Variants in MFHAS1 observed in about 807,000 individuals in gnomAD.
MFHAS1 encodes the protein multifunctional ROCO family signaling regulator 1, also known as malignant fibrous histiocytoma-amplified sequence 1.
A neutral mutation model predicts 70.4 loss-of-function variants in MFHAS1; 50 were observed. The ratio of observed to expected loss-of-function variants is 0.71; its 90% CI spans 0.57 to 0.90. The LOEUF (loss-of-function observed/expected upper bound fraction) is 0.90, where lower values mean the gene tolerates loss of function less well. Among genes scored for constraint, MFHAS1 ranks in the 40% least tolerant of loss-of-function variants. MFHAS1 has a pLI of 0.00. For missense variants in MFHAS1, 1,795 were observed against 1,347.6 expected (o/e 1.33, Z -5.20); for synonymous variants, 952 against 620.0 (o/e 1.54, Z -7.96).
intron 1 of MFHAS1, among the ~76,000 whole-genome samples, chr8:8,850,810 T>TAAAAAAA (rs1808217848): frequency 1.6e-5 from 1 of 64,350 alleles, no homozygotes; most frequent in Admixed American, 2.1e-4. Flanking sequence ...AAACTCCGTC[T>TAAAAAAA]CAAAAAAAAA....
chr8:8,833,607 T>G (rs1345827594), intron 1 of MFHAS1, among the ~76,000 whole-genome samples: 1 of 151,632 alleles, frequency 6.6e-6, no homozygotes, highest in South Asian at 2.1e-4. Context: ...CTAGCCTGGG[T>G]GACAGAACAA....
intron 1 of MFHAS1, among the ~76,000 whole-genome samples, chr8:8,797,841 C>T (rs1041395188): frequency 6.6e-6 from 1 of 152,158 alleles, no homozygotes; most frequent in African/African-American, 2.4e-5. Flanking sequence ...CCCCAGAGCC[C>T]ACCGAAGCAA....
At chr8:8,841,181 G>A (rs958964032) in intron 1 of MFHAS1, among the ~76,000 whole-genome samples, 3 of 152,160 alleles carry the variant, frequency 2.0e-5, no homozygotes, top group Admixed American at 1.3e-4. Flanking sequence ...TGTACTTCAA[G>A]ACTTCTTTTT....
chr8:8,880,963 T>C (rs147013981), intron 1 of MFHAS1, among the ~76,000 whole-genome samples: 63 of 152,222 alleles, frequency 4.1e-4, no homozygotes, highest in African/African-American at 1.4e-3. Context: ...TGATTACAGG[T>C]GTGAGCCATC....
At chr8:8,870,703 A>T (rs1282286408) in intron 1 of MFHAS1, among the ~76,000 whole-genome samples, 1 of 151,892 alleles carries the variant, frequency 6.6e-6, no homozygotes, top group Non-Finnish European at 1.5e-5. Context: ...GCCCCTGGAG[A>T]TCTTTTTCTC....
At chr8:8,839,966 C>A (rs541998008) in intron 1 of MFHAS1, among the ~76,000 whole-genome samples, 1 of 152,110 alleles carries the variant, frequency 6.6e-6, no homozygotes, top group Non-Finnish European at 1.5e-5. Context: ...AAGATACAAA[C>A]CCACTAGTAT....
rs1805518733 is a variant in MFHAS1 at position 8,785,753 on chromosome 8, T to C, written c.*269A>G. The C allele has an allele frequency of 2.9e-6, 1 of 350,784 alleles. No homozygotes were observed. Among genetic ancestry groups the C allele is most frequent in the Non-Finnish European group, 5.2e-6 (1 of 192,328 alleles). 21.7% of individuals were successfully genotyped at this position (350,784 alleles called of 1,614,324 possible). On this transcript the variant is annotated 3_prime_UTR_variant, in exon 3 of 3. Coordinates refer to ENST00000276282, the MANE Select transcript of MFHAS1 (RefSeq NM_004225.3). ...GCCATTCGACTTTTTTTTTTTTTTT[T>C]TCTTTTCTTCAAGTAGCGCGCTCCT...
chr8:8,845,133 T>C (rs1216530367), intron 1 of MFHAS1, among the ~76,000 whole-genome samples: 1 of 152,236 alleles, frequency 6.6e-6, no homozygotes, highest in Non-Finnish European at 1.5e-5. Context: ...CCCTCTGTCA[T>C]TCATATGCAA....
chr8:8,786,531 A>G (rs994026056), intron 2 of MFHAS1, among the ~76,000 whole-genome samples: 1 of 152,230 alleles, frequency 6.6e-6, no homozygotes, highest in Non-Finnish European at 1.5e-5. Context: ...GTTATAAGTT[A>G]AGTTGTCCAC....
At chr8:8,822,321 G>A (rs1806986400) in intron 1 of MFHAS1, among the ~76,000 whole-genome samples, 1 of 152,234 alleles carries the variant, frequency 6.6e-6, no homozygotes, top group Admixed American at 6.5e-5. Flanking sequence ...AGAGGAAAAT[G>A]GAGCGAGTCC....
At chr8:8,865,520 C>T (rs1395893406) in intron 1 of MFHAS1, among the ~76,000 whole-genome samples, 1 of 152,100 alleles carries the variant, frequency 6.6e-6, no homozygotes, top group Non-Finnish European at 1.5e-5. Context: ...CCAAGGACCC[C>T]TCCCAGGACA....
In MFHAS1 at chr8:8,892,588, G is replaced by C. The variant is rs753135388; in HGVS notation, c.471C>G (p.Leu157=). ...LPALPAQLGA[L]AHLEELDVSF... is the part of the protein sequence containing the mutation. ...TGACATCCAGCTCCTCCAGGTGAGCGAGAGCGCCCAGCTGGGCGGGCAGGG... is the reference window on the plus strand; with the variant it reads ...TGACATCCAGCTCCTCCAGGTGAGCCAGAGCGCCCAGCTGGGCGGGCAGGG... The change falls in exon 1 of 3, where the codon CTC becomes CTG. Residue 157 remains leucine (L), a synonymous_variant. Transcript: ENST00000276282. The surrounding 1 kb of genome is among the most constrained non-coding windows in gnomAD (Gnocchi z 4.7). 5.6e-6 allele frequency: 9 copies of C among 1,608,110 alleles called. No homozygotes were observed. In the African/African-American group the frequency reaches 1.1e-4, roughly 19 times the overall value.
rs1471536022 is a variant in MFHAS1, at chr8:8,891,846, C to T, written c.1213G>A (p.Ala405Thr). Residue 405 changes from alanine (A) to threonine (T), a missense_variant, in exon 1 of 3, where the codon GCG becomes ACG. By Grantham distance (58) the Ala-to-Thr change is moderately conservative. Coordinates refer to ENST00000276282, the MANE Select transcript of MFHAS1 (RefSeq NM_004225.3). The surrounding 1 kb of genome is among the most constrained non-coding windows in gnomAD (Gnocchi z 5.4). ...YQKELAHSQP[A>T]VQPRLKLLLM... is the part of the protein sequence containing the mutation. ...AGCAGCTTGAGCCGGGGCTGCACCG[C>T]CGGCTGGGAATGAGCCAGTTCCTTC... 6.2e-7 allele frequency: 1 copy of T among 1,612,832 alleles called. No homozygotes were observed. The highest frequency in any genetic ancestry group is 1.1e-5 in the South Asian group (1 of 91,024).
Position 8,841,288 on chromosome 8 carries a change from AACATAGTGAAACCC to A in MFHAS1, c.2999-43811_2999-43798del, listed in dbSNP as rs571000254. Among the ~76,000 whole-genome samples the A allele has an allele frequency of 3.2e-3, 483 of 152,244 alleles. 2 individuals carry two copies. Among genetic ancestry groups the A allele is most frequent in the Non-Finnish European group, 5.4e-3 (367 of 68,018 alleles). Reference sequence around the variant, plus strand: ...TCATGAGTTTAAGACCAGCCTGGCCAACATAGTGAAACCCCATCTCTACTAAAAATACAAAAATG... The same window carrying A: ...TCATGAGTTTAAGACCAGCCTGGCCACATCTCTACTAAAAATACAAAAATG... On this transcript the variant is annotated intron_variant, in intron 1 of 2. Transcript: ENST00000276282.
At chr8:8,871,156 C>G (rs1336521644) in intron 1 of MFHAS1, among the ~76,000 whole-genome samples, 9 of 152,188 alleles carry the variant, frequency 5.9e-5, no homozygotes, top group Admixed American at 5.9e-4. Flanking sequence ...CTGTGTGCCC[C>G]TGGCCATATG....
intron 1 of MFHAS1, among the ~76,000 whole-genome samples, chr8:8,847,107 CA>C (rs1009283607): frequency 2.2e-4 from 34 of 152,252 alleles, no homozygotes; most frequent in African/African-American, 7.5e-4. Context: ...AGGCTAACAC[CA>C]ATGATATTTT....
intron 1 of MFHAS1, among the ~76,000 whole-genome samples, chr8:8,878,540 G>T (rs1376470429): frequency 6.6e-6 from 1 of 151,820 alleles, no homozygotes; most frequent in East Asian, 1.9e-4. Flanking sequence ...TTTATGACAT[G>T]AAAAACAAGA....
intron 1 of MFHAS1, among the ~76,000 whole-genome samples, chr8:8,880,904 C>T (rs141514627): frequency 6.6e-6 from 1 of 152,072 alleles, no homozygotes; most frequent in African/African-American, 2.4e-5. Flanking sequence ...AACCTGTTCT[C>T]GAACTCCTGA....
At chr8:8,794,087 G>A (rs1251842998) in intron 2 of MFHAS1, among the ~76,000 whole-genome samples, 1 of 152,098 alleles carries the variant, frequency 6.6e-6, no homozygotes, top group East Asian at 1.9e-4. Context: ...CTACTTAGGA[G>A]GCTGAGGCAG....
Sources: allele counts gnomAD v4.1 joint callset (sites outside exome capture counted in the v4.1 genomes callset), GRCh38; gene constraint gnomAD v4.1.1; non-coding constraint Gnocchi (gnomAD v3.1); transcripts MANE v1.5; gene names NCBI Gene and HGNC (gene_info 2026-07-23, HGNC 2026-07-21).